The following WDR43 variants were observed in gnomAD, a reference collection of about 807,000 sequenced individuals.
WDR43 encodes the protein WD repeat-containing protein 43.
A neutral mutation model predicts 91.4 loss-of-function variants in WDR43; 13 were observed. That is an observed-to-expected ratio of 0.14 (90% CI 0.09 to 0.23). The LOEUF is 0.23. WDR43 is among the 10% of genes least tolerant of loss of function. The pLI, the probability that WDR43 is intolerant of heterozygous loss-of-function variation, is 1.00. For synonymous variants in WDR43, 331 were observed against 287.9 expected (o/e 1.15, Z -1.51); for missense variants, 780 against 809.4 (o/e 0.96, Z 0.44).
chr2:28,939,441 G>A (rs1477381667), intron 14 of WDR43, among the ~76,000 whole-genome samples: 6 of 152,198 alleles, frequency 3.9e-5, no homozygotes, highest in East Asian at 3.9e-4. Context: ...ATTCAAGGTC[G>A]TGGCAGAACA....
chr2:28,930,404 T>G lies in WDR43; in HGVS notation c.1437+694T>G, dbSNP rs1198772922. Among the ~76,000 whole-genome samples the G allele has an allele frequency of 8.5e-5, 13 of 152,378 alleles. No homozygotes were observed. In the South Asian group the frequency reaches 2.1e-3, roughly 24 times the overall value. On this transcript the variant is annotated intron_variant, in intron 11 of 17. Coordinates refer to ENST00000407426, the MANE Select transcript of WDR43 (RefSeq NM_015131.3). ...GATTAAAGCAGTTTACATTTGCTAA[T>G]GCATTTATTCTTAATGACTCATAGC... is the stretch of plus-strand genomic sequence containing the variant.
At chr2:28,940,111 CAAA>C (rs369746530) in intron 14 of WDR43, among the ~76,000 whole-genome samples, 1 of 103,360 alleles carries the variant, frequency 9.7e-6, no homozygotes. Context: ...GACTCCGTCT[CAAA>C]AAAAAAAAAA....
At chr2:28,910,238 T>C (rs1670764557) in intron 3 of WDR43, among the ~76,000 whole-genome samples, 1 of 152,172 alleles carries the variant, frequency 6.6e-6, no homozygotes, top group South Asian at 2.1e-4. Flanking sequence ...TTTTCAATAC[T>C]GAGTGGGGAA....
At chr2:28,906,314 C>A in intron 2 of WDR43, 146 bp from the exon 3 acceptor site, 1 of 711,552 alleles carries the variant, frequency 1.4e-6, no homozygotes, top group Non-Finnish European at 2.2e-6. Flanking sequence ...CTATGTAGTT[C>A]TACTGATCTG....
intron 6 of WDR43, among the ~76,000 whole-genome samples, chr2:28,922,107 C>A (rs1039135742): frequency 2.6e-5 from 4 of 152,124 alleles, no homozygotes; most frequent in Non-Finnish European, 4.4e-5. Flanking sequence ...TTTAAATACA[C>A]CAGTAAAGAA....
chr2:28,918,679 T>C (rs1413748211), intron 6 of WDR43, among the ~76,000 whole-genome samples: 1 of 152,156 alleles, frequency 6.6e-6, no homozygotes, highest in African/African-American at 2.4e-5. Flanking sequence ...TATATATGTA[T>C]GTATTTTATA....
rs757978669 is a variant in WDR43, at chr2:28,941,526, T to C, written c.1686T>C (p.Phe562=). The change falls in exon 15 of 18, where the codon TTT becomes TTC. Residue 562 remains phenylalanine, a synonymous_variant. Transcript: ENST00000407426. Reference sequence around the variant, plus strand: ...TAATGGAAAGCAGAGTCAAAACTTTTCAGAAACTTTCACACCTTCATGGAA... The same window carrying C: ...TAATGGAAAGCAGAGTCAAAACTTTCCAGAAACTTTCACACCTTCATGGAA... The part of the protein sequence containing the change: ...YQLMESRVKT[F]QKLSHLHGKL... 35 of 1,613,502 alleles carry C rather than the reference T, an allele frequency of 2.2e-5. No individual in the cohort carries two copies. The highest frequency in any genetic ancestry group is 2.9e-5 in the Non-Finnish European group (34 of 1,179,770).
At chr2:28,896,421 A>C (rs921360003) in intron 1 of WDR43, among the ~76,000 whole-genome samples, 4 of 152,204 alleles carry the variant, frequency 2.6e-5, no homozygotes, top group Non-Finnish European at 4.4e-5. Flanking sequence ...TTGACAGGTA[A>C]GTGCTTTAAG....
At chr2:28,903,809 CTTA>C in intron 2 of WDR43, among the ~76,000 whole-genome samples, 1 of 152,104 alleles carries the variant, frequency 6.6e-6, no homozygotes, top group South Asian at 2.1e-4. Context: ...GCCTAGAAGA[CTTA>C]TTTTTTTTTA....
intron 11 of WDR43, among the ~76,000 whole-genome samples, chr2:28,932,349 G>C (rs1256488267): frequency 6.6e-6 from 1 of 152,074 alleles, no homozygotes; most frequent in Admixed American, 6.5e-5. Flanking sequence ...TTTTAGTAGA[G>C]ACAGGACTTC....
At chr2:28,927,990 G>A (rs2148192757) in intron 10 of WDR43, 1 of 285,432 alleles carries the variant, frequency 3.5e-6, no homozygotes, top group Admixed American at 4.8e-5. Context: ...GACTTGCTGT[G>A]ATGACTATCA....
chr2:28,916,188 C>T (rs1026514684), intron 5 of WDR43, among the ~76,000 whole-genome samples: 1 of 152,124 alleles, frequency 6.6e-6, no homozygotes, highest in Non-Finnish European at 1.5e-5. Flanking sequence ...AGGTTTTGGG[C>T]CATTACAAAT....
At position 28,913,385 on chromosome 2, in the gene WDR43, C is replaced by T. The variant is rs572123012; in HGVS notation, c.606+675C>T. ...TCTCTCTGTCGCCCAGGCTGGACTG[C>T]AGTGACGCCATCATAGCTCATTGCA... On this transcript the variant is annotated intron_variant, in intron 4 of 17. Coordinates refer to ENST00000407426, the MANE Select transcript of WDR43 (RefSeq NM_015131.3). 5.3e-5 allele frequency among the ~76,000 whole-genome samples: 8 copies of T among 152,310 alleles called. No individual in the cohort carries two copies. The South Asian group carries it at 1.7e-3, about 32-fold the overall frequency.
At chr2:28,921,500 G>A (rs1295792907) in intron 6 of WDR43, among the ~76,000 whole-genome samples, 1 of 152,140 alleles carries the variant, frequency 6.6e-6, no homozygotes, top group African/African-American at 2.4e-5. Context: ...GGCACTTCAT[G>A]TAAGATTGTA....
chr2:28,941,712 C>A, intron 15 of WDR43, 138 bp downstream of exon 15: 2 of 641,980 alleles, frequency 3.1e-6, no homozygotes, highest in Admixed American at 2.8e-5. Context: ...CTCACTGCAG[C>A]CTCGCTCAAG....
At position 28,946,976 on chromosome 2, in the gene WDR43, A is replaced by G. The variant is rs1671554570; in HGVS notation, c.*197A>G. 1 of 563,540 alleles carries G rather than the reference A, an allele frequency of 1.8e-6. No homozygotes were observed. The highest frequency in any genetic ancestry group is 3.0e-6 in the Non-Finnish European group (1 of 328,470). The allele number at this position is 563,540 out of a possible 1,614,324, so 34.9% of individuals were successfully genotyped here. On this transcript the variant is annotated 3_prime_UTR_variant, in exon 18 of 18. Transcript: ENST00000407426. Reference sequence around the variant, plus strand: ...GAGTGTTTCATTCAAATGTTAATAAACTTTACACAGTATATAGACACATTT... The same window carrying G: ...GAGTGTTTCATTCAAATGTTAATAAGCTTTACACAGTATATAGACACATTT...
In WDR43 at chr2:28,923,119, A is replaced by G. The variant is rs1671067927; in HGVS notation, c.914+136A>G. 8 of 721,224 alleles carry G rather than the reference A, an allele frequency of 1.1e-5. No homozygotes were observed. In the South Asian group the frequency reaches 1.6e-4, roughly 15 times the overall value. The allele number at this position is 721,224 out of a possible 1,614,324, so 44.7% of individuals were successfully genotyped here. ...TTTGAAAGCATTTTTCTTTATCCACATGACTATATACATTGCCAGTTAAAA... is the reference window on the plus strand; with the variant it reads ...TTTGAAAGCATTTTTCTTTATCCACGTGACTATATACATTGCCAGTTAAAA... On this transcript the variant is annotated intron_variant, in intron 7 of 17. Transcript: ENST00000407426.
intron 14 of WDR43, among the ~76,000 whole-genome samples, chr2:28,940,430 A>G (rs193099770): frequency 0.022 from 3,308 of 152,164 alleles, 58 homozygotes; most frequent in Non-Finnish European, 0.033. Context: ...GGGTTTCTCC[A>G]TGTTGGTCAG....
chr2:28,923,062 C>G, intron 7 of WDR43, 79 bp downstream of exon 7: 1 of 1,215,362 alleles, frequency 8.2e-7, no homozygotes, highest in Non-Finnish European at 1.2e-6. Context: ...CCTGGTTATT[C>G]TTTGCATCAT....
Sources: allele counts gnomAD v4.1 joint callset (sites outside exome capture counted in the v4.1 genomes callset), GRCh38; gene constraint gnomAD v4.1.1; transcripts MANE v1.5; gene names NCBI Gene and HGNC (gene_info 2026-07-23, HGNC 2026-07-21).